The following SLIT2 variants were observed in gnomAD, a reference collection of about 807,000 sequenced individuals.
SLIT2 encodes the protein slit guidance ligand 2.
SLIT2 carries 41 observed loss-of-function variants against 185.7 expected under a neutral mutation model. The ratio of observed to expected loss-of-function variants is 0.22; its 90% CI spans 0.17 to 0.29. The LOEUF (loss-of-function observed/expected upper bound fraction) is 0.29, where lower values mean the gene tolerates loss of function less well. Ranked by LOEUF, SLIT2 falls within the 10% of genes least tolerant of loss-of-function variation. The pLI, the probability that SLIT2 is intolerant of heterozygous loss-of-function variation, is 1.00. For synonymous variants in SLIT2, 693 were observed against 680.2 expected (o/e 1.02, Z -0.29); for missense variants, 1,571 against 1,909.0 (o/e 0.82, Z 3.30).
intron 4 of SLIT2, among the ~76,000 whole-genome samples, chr4:20,463,491 A>ATATATG (rs1491274435): frequency 5.7e-4 from 55 of 96,150 alleles, no homozygotes; most frequent in East Asian, 1.8e-3. Context: ...ATATATATAT[A>ATATATG]TGTGTGTGTG....
At chr4:20,584,885 T>G (rs751327156) in intron 29 of SLIT2, among the ~76,000 whole-genome samples, 8 of 152,140 alleles carry the variant, frequency 5.3e-5, no homozygotes, top group Non-Finnish European at 1.2e-4. Context: ...TGAAACCCCG[T>G]CTCTACTTAA....
chr4:20,347,782 C>T (rs572257675), intron 4 of SLIT2, among the ~76,000 whole-genome samples: 44 of 152,232 alleles, frequency 2.9e-4, no homozygotes, highest in South Asian at 4.2e-4. Context: ...TTGTGTAATA[C>T]GGCAGATGCA....
At chr4:20,309,382 TC>T (rs1717864740) in intron 4 of SLIT2, among the ~76,000 whole-genome samples, 2 of 151,956 alleles carry the variant, frequency 1.3e-5, no homozygotes, top group East Asian at 3.8e-4. Flanking sequence ...TTTTAACAGA[TC>T]TTTTTTTTTC....
intron 29 of SLIT2, among the ~76,000 whole-genome samples, chr4:20,576,723 T>A (rs1379282720): frequency 6.6e-6 from 1 of 152,194 alleles, no homozygotes. Flanking sequence ...TAAATGCACT[T>A]TAATCTCAAA....
intron 9 of SLIT2, among the ~76,000 whole-genome samples, chr4:20,500,322 G>A (rs1718613199): frequency 6.6e-6 from 1 of 152,124 alleles, no homozygotes; most frequent in South Asian, 2.1e-4. Flanking sequence ...TAAAATTTGA[G>A]CAATTCTACT....
chr4:20,541,311 C>T (rs1722782340), intron 19 of SLIT2, 142 bp from the exon 20 acceptor site: 1 of 663,154 alleles, frequency 1.5e-6, no homozygotes, highest in African/African-American at 1.8e-5. Context: ...GCATGTGATT[C>T]TGAGTAAGAA....
At chr4:20,610,292 A>C (rs1729113935) in intron 34 of SLIT2, 125 bp downstream of exon 34, 1 of 765,622 alleles carries the variant, frequency 1.3e-6, no homozygotes, top group African/African-American at 1.8e-5. Context: ...CAATCATTGA[A>C]AGATGGATGG....
intron 4 of SLIT2, among the ~76,000 whole-genome samples, chr4:20,399,136 A>G (rs1726159285): frequency 6.6e-6 from 1 of 151,724 alleles, no homozygotes; most frequent in Non-Finnish European, 1.5e-5. Context: ...TAAAAAAATT[A>G]TTTAAAAAAT....
intron 33 of SLIT2, among the ~76,000 whole-genome samples, chr4:20,603,100 T>C (rs1046270116): frequency 6.6e-6 from 1 of 151,740 alleles, no homozygotes; most frequent in Non-Finnish European, 1.5e-5. Flanking sequence ...GAAAAAGAGG[T>C]TTAATTGACT....
intron 34 of SLIT2, among the ~76,000 whole-genome samples, chr4:20,613,665 G>A (rs1279195593): frequency 6.6e-6 from 1 of 152,046 alleles, no homozygotes; most frequent in Non-Finnish European, 1.5e-5. Flanking sequence ...GGTGGGGAGT[G>A]TAACCCTCAT....
chr4:20,483,377 TA>T (rs1716902258), intron 6 of SLIT2, among the ~76,000 whole-genome samples: 1 of 152,070 alleles, frequency 6.6e-6, no homozygotes, highest in African/African-American at 2.4e-5. Context: ...AGAACTGGTT[TA>T]TTGTCAGATT....
At chr4:20,451,620 G>A (rs570357598) in intron 4 of SLIT2, among the ~76,000 whole-genome samples, 2 of 152,270 alleles carry the variant, frequency 1.3e-5, no homozygotes, top group African/African-American at 4.8e-5. Context: ...TCAAATATGA[G>A]CCTTGAATCT....
intron 4 of SLIT2, among the ~76,000 whole-genome samples, chr4:20,335,009 T>G (rs546179419): frequency 6.6e-6 from 1 of 152,310 alleles, no homozygotes; most frequent in East Asian, 1.9e-4. Context: ...GTTAAATAAA[T>G]TAAATACTAG....
intron 33 of SLIT2, among the ~76,000 whole-genome samples, chr4:20,604,198 C>T (rs1342630509): frequency 6.6e-6 from 1 of 152,202 alleles, no homozygotes; most frequent in African/African-American, 2.4e-5. Context: ...TATAGCCTGA[C>T]ATCTCACTGT....
At chr4:20,490,784 T>G in intron 8 of SLIT2, 1 of 1,501,272 alleles carries the variant, frequency 6.7e-7, no homozygotes, top group Non-Finnish European at 9.0e-7. Context: ...CTCTTCACTT[T>G]TTCCTTTCTG....
chr4:20,549,654 A>G (rs1723562860), intron 24 of SLIT2, among the ~76,000 whole-genome samples: 1 of 151,888 alleles, frequency 6.6e-6, no homozygotes, highest in Non-Finnish European at 1.5e-5. Context: ...TAAAAGCCAC[A>G]GATATTAATA....
At chr4:20,472,386 G>GATATA (rs1560453735) in intron 5 of SLIT2, among the ~76,000 whole-genome samples, 4 of 38,400 alleles carry the variant, frequency 1.0e-4, no homozygotes, top group Admixed American at 6.1e-4. Flanking sequence ...CTATATATAT[G>GATATA]TAGATATATA....
Position 20,590,742 on chromosome 4 carries a change from C to G in SLIT2, c.3182+1005C>G, listed in dbSNP as rs115628529. Among the ~76,000 whole-genome samples, 293 of 152,272 alleles carry G rather than the reference C, an allele frequency of 1.9e-3. 2 individuals are homozygous for G. Among genetic ancestry groups the G allele is most frequent in the African/African-American group, 6.7e-3 (280 of 41,560 alleles). ...ATCCTGTAATATTTTAAGGGTCTTT[C>G]AACAGCAACTTCTCTTTTTAGAGCT... is the stretch of plus-strand genomic sequence containing the variant. On this transcript the variant is annotated intron_variant, in intron 30 of 36. Transcript: ENST00000504154.
intron 15 of SLIT2, among the ~76,000 whole-genome samples, chr4:20,526,016 T>A (rs1348065363): frequency 6.6e-6 from 1 of 152,156 alleles, no homozygotes; most frequent in Non-Finnish European, 1.5e-5. Flanking sequence ...CCTCTTGACT[T>A]GTTTGTTTTA....
Sources: allele counts gnomAD v4.1 joint callset (sites outside exome capture counted in the v4.1 genomes callset), GRCh38; gene constraint gnomAD v4.1.1; transcripts MANE v1.5; gene names NCBI Gene and HGNC (gene_info 2026-07-23, HGNC 2026-07-21).